The following OTUD7A variants were observed in gnomAD, a reference collection of about 807,000 sequenced individuals.
The protein encoded by OTUD7A is OTU deubiquitinase 7A.
OTUD7A carries 12 observed loss-of-function variants against 65.7 expected under a neutral mutation model. The observed-to-expected ratio is 0.18, with a 90% CI of 0.12 to 0.30. The LOEUF (loss-of-function observed/expected upper bound fraction) is 0.30. Ranked by LOEUF, OTUD7A falls within the 10% of genes least tolerant of loss-of-function variation. The probability of loss-of-function intolerance (pLI) is 1.00; values close to 1 mark genes in which losing one functional copy is unlikely to be tolerated. For synonymous variants in OTUD7A, 641 were observed against 586.3 expected (o/e 1.09, Z -1.35); for missense variants, 1,148 against 1,304.8 (o/e 0.88, Z 1.85).
chr15:31,486,027 C>A (rs2041232090), intron 12 of OTUD7A, among the ~76,000 whole-genome samples: 1 of 152,196 alleles, frequency 6.6e-6, no homozygotes, highest in African/African-American at 2.4e-5. Context: ...GCGCCTGGTG[C>A]TAGCAGGAGC....
At chr15:31,840,036 A>C (rs1024891739) in intron 1 of OTUD7A, among the ~76,000 whole-genome samples, 1 of 152,220 alleles carries the variant, frequency 6.6e-6, no homozygotes, top group African/African-American at 2.4e-5. Flanking sequence ...CTCTTTTTAA[A>C]ATAAAAATGA....
intron 1 of OTUD7A, among the ~76,000 whole-genome samples, chr15:31,868,914 G>C (rs1897950785): frequency 6.6e-6 from 1 of 152,162 alleles, no homozygotes; most frequent in Non-Finnish European, 1.5e-5. Flanking sequence ...CCCAACTTTT[G>C]AGTGGCATAT....
At chr15:31,812,814 T>C (rs1484008397) in intron 1 of OTUD7A, among the ~76,000 whole-genome samples, 1 of 152,172 alleles carries the variant, frequency 6.6e-6, no homozygotes, top group Non-Finnish European at 1.5e-5. Context: ...GCTTTGCTAG[T>C]CCAAGCCACA....
At chr15:31,632,333 T>C (rs971862761) in intron 3 of OTUD7A, among the ~76,000 whole-genome samples, 44 of 152,262 alleles carry the variant, frequency 2.9e-4, no homozygotes, top group Non-Finnish European at 5.4e-4. Flanking sequence ...TGCAGGTCTG[T>C]TGGAGTTTGC....
chr15:31,579,687 T>G (rs66863932), intron 3 of OTUD7A, among the ~76,000 whole-genome samples: 1 of 152,044 alleles, frequency 6.6e-6, no homozygotes, highest in African/African-American at 2.4e-5. Flanking sequence ...CTATTGTATG[T>G]ATGTGCATGT....
rs567996510 is a variant in OTUD7A at position 31,790,697 on chromosome 15, C to T, written c.-100+79810G>A. ...CTCCCACCAGCCAATATCATGGAAA[C>T]AACTCAGAAAATGCAGCCATCTCTT... On this transcript the variant is annotated intron_variant, in intron 1 of 12. Transcript: ENST00000307050. 8.5e-5 allele frequency among the ~76,000 whole-genome samples: 13 copies of T among 152,314 alleles called. No individual in the cohort carries two copies. The East Asian group carries it at 2.3e-3, about 27-fold the overall frequency.
At chr15:31,796,891 T>C (rs1404693640) in intron 1 of OTUD7A, among the ~76,000 whole-genome samples, 2 of 152,172 alleles carry the variant, frequency 1.3e-5, no homozygotes, top group African/African-American at 2.4e-5. Context: ...TGCACCACCA[T>C]ACCCGGCTGA....
Position 31,802,206 on chromosome 15 carries a change from T to C in OTUD7A, c.-100+68301A>G, listed in dbSNP as rs930239993. Among the ~76,000 whole-genome samples, 4 of 151,044 alleles carry C rather than the reference T, an allele frequency of 2.6e-5. 1 individual carries two copies. The highest frequency in any genetic ancestry group is 4.4e-5 in the Non-Finnish European group (3 of 67,872). On this transcript the variant is annotated intron_variant, in intron 1 of 12. Transcript: ENST00000307050. The stretch of plus-strand genomic sequence containing the variant: ...CTCACATGATCACAAGGTCCCACAA[T>C]AGGCCGTCTGCAGGCTGTGGGGCAA...
At chr15:31,776,872 C>T (rs1704255383) in intron 1 of OTUD7A, among the ~76,000 whole-genome samples, 1 of 152,060 alleles carries the variant, frequency 6.6e-6, no homozygotes, top group African/African-American at 2.4e-5. Context: ...ACATTAATCC[C>T]CAGCATGGCA....
intron 3 of OTUD7A, among the ~76,000 whole-genome samples, chr15:31,580,386 G>C (rs1192686298): frequency 6.6e-6 from 1 of 152,166 alleles, no homozygotes; most frequent in Admixed American, 6.5e-5. Context: ...GGTGAAACTT[G>C]ATGAGATTTT....
chr15:31,507,059 G>A (rs1243593445), intron 8 of OTUD7A, among the ~76,000 whole-genome samples: 1 of 152,108 alleles, frequency 6.6e-6, no homozygotes, highest in South Asian at 2.1e-4. Flanking sequence ...TGATGGCTAA[G>A]GTCTGTCTTT....
chr15:31,525,157 G>A (rs896812862), intron 8 of OTUD7A, among the ~76,000 whole-genome samples: 2 of 152,194 alleles, frequency 1.3e-5, no homozygotes, highest in East Asian at 1.9e-4. Flanking sequence ...CCTGTGGCAG[G>A]AGGGAGAGAG....
chr15:31,780,051 A>T (rs1895496333), intron 1 of OTUD7A, among the ~76,000 whole-genome samples: 1 of 152,046 alleles, frequency 6.6e-6, no homozygotes, highest in Non-Finnish European at 1.5e-5. Context: ...CCAAGAAGAG[A>T]GTGCCTGGGG....
chr15:31,722,876 A>G (rs1893778665), intron 1 of OTUD7A, among the ~76,000 whole-genome samples: 1 of 152,226 alleles, frequency 6.6e-6, no homozygotes, highest in South Asian at 2.1e-4. Flanking sequence ...GTCAAAAAGG[A>G]AAGTTCTGAG....
At chr15:31,492,390 C>G (rs1166836990) in intron 10 of OTUD7A, among the ~76,000 whole-genome samples, 1 of 152,090 alleles carries the variant, frequency 6.6e-6, no homozygotes, top group African/African-American at 2.4e-5. Context: ...ATCAGCCTGG[C>G]CAACATGGTG....
intron 3 of OTUD7A, among the ~76,000 whole-genome samples, chr15:31,651,447 C>A (rs942917020): frequency 4.6e-5 from 7 of 151,924 alleles, no homozygotes; most frequent in Admixed American, 1.3e-4. Flanking sequence ...ACTATTTAAC[C>A]TTTTGAATAG....
At chr15:31,561,337 T>C (rs1190905013) in intron 4 of OTUD7A, among the ~76,000 whole-genome samples, 1 of 152,216 alleles carries the variant, frequency 6.6e-6, no homozygotes, top group Admixed American at 6.5e-5. Flanking sequence ...AGGCCACTCA[T>C]CTTGCCACAA....
intron 1 of OTUD7A, among the ~76,000 whole-genome samples, chr15:31,744,544 A>C (rs990999405): frequency 6.6e-6 from 1 of 152,170 alleles, no homozygotes; most frequent in Non-Finnish European, 1.5e-5. Context: ...CCTTGAAATA[A>C]GAAAGAATTC....
At chr15:31,551,364 C>G (rs1888318869) in intron 5 of OTUD7A, among the ~76,000 whole-genome samples, 1 of 152,206 alleles carries the variant, frequency 6.6e-6, no homozygotes, top group Non-Finnish European at 1.5e-5. Flanking sequence ...TGGTCATTCC[C>G]AACTCCCCAT....
Sources: gnomAD v4.1 joint callset for allele counts (sites outside exome capture counted in the v4.1 genomes callset) on GRCh38, gnomAD v4.1.1 for gene constraint, MANE v1.5 for transcripts, NCBI Gene and HGNC (gene_info 2026-07-23, HGNC 2026-07-21) for gene names.